The following GAB3 variants were observed in gnomAD, a reference collection of about 807,000 sequenced individuals.
GAB3 encodes the protein GRB2 associated binding protein 3, also known as GRB2-associated-binding protein 3.
Under a neutral mutation model 40.4 loss-of-function variants are expected in GAB3, and 12 were observed. The ratio of observed to expected loss-of-function variants is 0.30; its 90% CI spans 0.19 to 0.48. The LOEUF is 0.48. Ranked by LOEUF, GAB3 falls within the 20% of genes least tolerant of loss-of-function variation. The probability of loss-of-function intolerance (pLI) is 0.99; values close to 1 mark genes in which losing one functional copy is unlikely to be tolerated. For synonymous variants in GAB3, 154 were observed against 176.7 expected, an observed-to-expected ratio of 0.87 and a Z score of 1.02; for missense variants, 381 against 461.9, an observed-to-expected ratio of 0.82 and a Z score of 1.61.
At chrX:154,709,254 T>C (rs188911938) in intron 4 of GAB3, among the ~76,000 whole-genome samples, 2,679 of 110,607 alleles carry the variant, frequency 0.024, 43 homozygotes, top group Non-Finnish European at 0.04. Context: ...GTACAGCCTG[T>C]GGAACTGTGA....
intron 1 of GAB3, among the ~76,000 whole-genome samples, chrX:154,739,383 T>A (rs2071405657): frequency 8.9e-6 from 1 of 111,960 alleles, no homozygotes; most frequent in Non-Finnish European, 1.9e-5. Context: ...CACAATGGAA[T>A]ACAATTCAGC....
intron 1 of GAB3, among the ~76,000 whole-genome samples, chrX:154,719,949 G>T (rs1166428212): frequency 8.9e-6 from 1 of 111,773 alleles, no homozygotes; most frequent in Non-Finnish European, 1.9e-5. Flanking sequence ...ATATATGAAA[G>T]AATTTTTGCT....
chrX:154,681,029 AG>A (rs2070365823), intron 8 of GAB3, among the ~76,000 whole-genome samples: 1 of 111,991 alleles, frequency 8.9e-6, no homozygotes, highest in African/African-American at 3.2e-5. Flanking sequence ...AGGATATTTG[AG>A]TTGCTCCCAG....
At chrX:154,696,686 G>T (rs2070663469) in intron 7 of GAB3, among the ~76,000 whole-genome samples, 1 of 112,589 alleles carries the variant, frequency 8.9e-6, no homozygotes, top group Non-Finnish European at 1.9e-5. Flanking sequence ...TTGGGCCATA[G>T]CCAGTTCCAC....
Position 154,711,094 on chromosome X carries a change from T to C in GAB3, c.1069+1135A>G, listed in dbSNP as rs782025598. Among the ~76,000 whole-genome samples, 6 of 112,247 alleles carry C rather than the reference T, an allele frequency of 5.3e-5. No individual in the cohort carries two copies. The South Asian group carries it at 1.5e-3, about 27-fold the overall frequency. ...TAGGGACATTAGGGAAGGTTTTTAC[T>C]AGTGACTTAATTCTCAGTCAGAATG... On this transcript the variant is annotated intron_variant, in intron 4 of 9. Transcript: ENST00000424127.
chrX:154,709,389 T>C lies in GAB3; in HGVS notation c.1069+2840A>G, dbSNP rs185957083. Among the ~76,000 whole-genome samples the C allele has an allele frequency of 5.1e-4, 55 of 107,831 alleles. 1 individual carries two copies. Among genetic ancestry groups the C allele is most frequent in the Admixed American group, 1.1e-3 (11 of 10,115 alleles). 93.6% of individuals were successfully genotyped at this position (107,831 alleles called of 115,157 possible). On this transcript the variant is annotated intron_variant, in intron 4 of 9. Transcript: ENST00000424127. Reference sequence around the variant, plus strand: ...AGACTGGAGTGCAGTGGTGTGATCTTGGCTCACTGCAAACTCTGCCTCCCA... The same window carrying C: ...AGACTGGAGTGCAGTGGTGTGATCTCGGCTCACTGCAAACTCTGCCTCCCA...
chrX:154,731,816 T>G (rs1557260001), intron 1 of GAB3, among the ~76,000 whole-genome samples: 1 of 112,154 alleles, frequency 8.9e-6, no homozygotes, highest in African/African-American at 3.2e-5. Context: ...AGCTAACACG[T>G]ATATCCCAGG....
At chrX:154,714,171 T>C (rs2071008710) in intron 2 of GAB3, among the ~76,000 whole-genome samples, 1 of 110,935 alleles carries the variant, frequency 9.0e-6, no homozygotes. Flanking sequence ...GAACTCCAGA[T>C]CAGAAACAGC....
chrX:154,731,042 C>T (rs187503754), intron 1 of GAB3, among the ~76,000 whole-genome samples: 1 of 112,315 alleles, frequency 8.9e-6, no homozygotes, highest in Non-Finnish European at 1.9e-5. Flanking sequence ...TGTTCAAGTA[C>T]ATACATGACA....
chrX:154,696,264 C>A (rs2070655146), intron 7 of GAB3, among the ~76,000 whole-genome samples: 1 of 91,671 alleles, frequency 1.1e-5, no homozygotes, highest in African/African-American at 4.3e-5. Flanking sequence ...AGCTCATGAG[C>A]TTTCTAAACG....
intron 2 of GAB3, among the ~76,000 whole-genome samples, chrX:154,713,772 T>TATATAC (rs1569557824): frequency 1.2e-5 from 1 of 81,083 alleles, no homozygotes; most frequent in Non-Finnish European, 2.4e-5. Flanking sequence ...TATATATATA[T>TATATAC]ATATATATAT....
intron 4 of GAB3, among the ~76,000 whole-genome samples, chrX:154,708,115 C>T (rs782019416): frequency 1.8e-5 from 2 of 112,031 alleles, no homozygotes; most frequent in Non-Finnish European, 3.8e-5. Context: ...AAAGAATACA[C>T]AATGGAGAAA....
chrX:154,714,151 G>C (rs928572626), intron 2 of GAB3, among the ~76,000 whole-genome samples: 1 of 110,680 alleles, frequency 9.0e-6, no homozygotes, highest in African/African-American at 3.3e-5. Context: ...TTTGAATCAG[G>C]AATCAATGAG....
chrX:154,705,179 A>T (rs1557253249), intron 4 of GAB3, among the ~76,000 whole-genome samples: 1 of 111,147 alleles, frequency 9.0e-6, no homozygotes. Context: ...CACAAGAAAA[A>T]AAAGAAAACT....
Position 154,750,955 on chromosome X carries a change from T to G in GAB3, c.71A>C (p.Tyr24Ser), listed in dbSNP as rs2071605605. 1 of 794,412 alleles carries G rather than the reference T, an allele frequency of 1.3e-6. No homozygotes were observed. The highest frequency in any genetic ancestry group is 1.5e-6 in the Non-Finnish European group (1 of 662,080). The allele number at this position is 794,412 out of a possible 1,213,427, so 65.5% of individuals were successfully genotyped here. ...KSPPERKLQRYAWRKRWFVLR... is the reference protein window; with the variant it reads ...KSPPERKLQRSAWRKRWFVLR... ...GCGGGTGGCGGCGCCCCTACTCACGTAGCGCTGTAGCTTCCTCTCGGGGGG... is the reference window on the plus strand; with the variant it reads ...GCGGGTGGCGGCGCCCCTACTCACGGAGCGCTGTAGCTTCCTCTCGGGGGG... The change falls in exon 1 of 10, where the codon TAC (tyrosine) becomes TCC (serine). Residue 24 changes from tyrosine to serine, a missense_variant and splice_region_variant. Tyr to Ser is a moderately radical substitution (Grantham distance 144, BLOSUM62 -2). Transcript: ENST00000424127.
upstream of GAB3, chrX:154,751,162 C>A (rs1205344831): frequency 1.9e-6 from 1 of 539,058 alleles, no homozygotes; most frequent in Non-Finnish European, 2.2e-6. Context: ...ACCCCCGCCT[C>A]CGGCCGCCGC....
chrX:154,714,962 C>T, intron 2 of GAB3, among the ~76,000 whole-genome samples: 1 of 112,389 alleles, frequency 8.9e-6, no homozygotes. Flanking sequence ...CTTGCCATCA[C>T]TTCATTTCCT....
intron 1 of GAB3, among the ~76,000 whole-genome samples, chrX:154,724,558 A>G (rs1266007673): frequency 9.1e-6 from 1 of 110,315 alleles, no homozygotes; most frequent in East Asian, 2.8e-4. Context: ...CTTTCCTGCC[A>G]CAGCAACCAA....
chrX:154,695,619 AG>A (rs2070644572), intron 8 of GAB3, among the ~76,000 whole-genome samples: 2 of 112,551 alleles, frequency 1.8e-5, no homozygotes, highest in Admixed American at 9.4e-5. Context: ...AGGACATCAC[AG>A]CCTTGGTGAA....
Sources: gnomAD v4.1 joint callset for allele counts (sites outside exome capture counted in the v4.1 genomes callset) on GRCh38, gnomAD v4.1.1 for gene constraint, MANE v1.5 for transcripts, NCBI Gene and HGNC (gene_info 2026-07-23, HGNC 2026-07-21) for gene names.